The following DRD3 variants were observed in gnomAD, a reference collection of about 807,000 sequenced individuals.
DRD3 encodes the protein D(3) dopamine receptor.
A neutral mutation model predicts 36.3 loss-of-function variants in DRD3; 19 were observed. The ratio of observed to expected loss-of-function variants is 0.52; its 90% CI spans 0.36 to 0.77. The LOEUF (loss-of-function observed/expected upper bound fraction) is 0.77, where lower values mean the gene tolerates loss of function less well. Among genes scored for constraint, DRD3 ranks in the 30% least tolerant of loss-of-function variants. DRD3 has a pLI of 0.00. For missense variants in DRD3, 465 were observed against 505.3 expected, an observed-to-expected ratio of 0.92 and a Z score of 0.77; for synonymous variants, 195 against 203.7, an observed-to-expected ratio of 0.96 and a Z score of 0.36.
upstream of DRD3, among the ~76,000 whole-genome samples, chr3:114,183,345 A>T (rs913042139): frequency 2.0e-5 from 3 of 152,222 alleles, no homozygotes; most frequent in African/African-American, 7.2e-5. Flanking sequence ...GGCCTAACAT[A>T]TGGCCCATCC....
At chr3:114,177,372 A>G (rs1469927799) in intron 1 of DRD3, among the ~76,000 whole-genome samples, 2 of 152,284 alleles carry the variant, frequency 1.3e-5, no homozygotes, top group East Asian at 3.9e-4. Flanking sequence ...GAGAAAAACT[A>G]TTGCTGGTTA....
chr3:114,164,757 C>T (rs1306961023), intron 2 of DRD3, among the ~76,000 whole-genome samples: 1 of 152,090 alleles, frequency 6.6e-6, no homozygotes. Flanking sequence ...TTTTATTTTT[C>T]TGTTTTCTTT....
At position 114,159,847 on chromosome 3, in the gene DRD3, A is replaced by G; in HGVS notation, c.291T>C (p.Asn97=). The change falls in exon 3 of 7, where the codon AAT becomes AAC. Residue 97 remains asparagine, a synonymous_variant. Coordinates refer to ENST00000383673, the MANE Select transcript of DRD3 (RefSeq NM_000796.6). ...VYLEVTGGVW[N]FSRICCDVFV... ...AAACATCACAGCAAATGCGGCTGAA[A>G]TTCCAGACTCCACCTGTCACCTGGG... The G allele has an allele frequency of 6.2e-7, 1 of 1,614,140 alleles. No homozygotes were observed. The highest frequency in any genetic ancestry group is 8.5e-7 in the Non-Finnish European group (1 of 1,179,980).
rs573209247 is a variant in DRD3 at position 114,166,682 on chromosome 3, C to T, written c.270+5041G>A. Among the ~76,000 whole-genome samples the T allele has an allele frequency of 5.9e-5, 9 of 152,274 alleles. No individual in the cohort carries two copies. In the South Asian group the frequency reaches 8.3e-4, roughly 14 times the overall value. ...TAGCTGCACAAAATGGATTAACACA[C>T]CCCCTAATGAACGTTTAGCTCAGAG... is the stretch of plus-strand genomic sequence containing the variant. On this transcript the variant is annotated intron_variant, in intron 2 of 6. Coordinates refer to ENST00000383673, the MANE Select transcript of DRD3 (RefSeq NM_000796.6).
intron 1 of DRD3, among the ~76,000 whole-genome samples, chr3:114,187,992 G>T (rs748740633): frequency 4.0e-4 from 61 of 152,038 alleles, no homozygotes; most frequent in Non-Finnish European, 7.8e-4. Context: ...CCTAGGAAGA[G>T]AAAAAGAGAA....
chr3:114,161,206 C>T (rs373474162), intron 2 of DRD3, among the ~76,000 whole-genome samples: 368 of 152,210 alleles, frequency 2.4e-3, no homozygotes, highest in Non-Finnish European at 3.9e-3. Flanking sequence ...TTCACAATAC[C>T]GCTCCTGAAC....
At chr3:114,192,465 G>A (rs1191912826) in intron 1 of DRD3, among the ~76,000 whole-genome samples, 1 of 152,140 alleles carries the variant, frequency 6.6e-6, no homozygotes, top group Non-Finnish European at 1.5e-5. Flanking sequence ...CCTTGATAAT[G>A]CTTGTTTTTA....
intron 6 of DRD3, among the ~76,000 whole-genome samples, chr3:114,129,278 G>C (rs2077405640): frequency 6.6e-6 from 1 of 152,206 alleles, no homozygotes; most frequent in East Asian, 1.9e-4. Flanking sequence ...GGGAGGCAGA[G>C]GTTGTGGTGA....
rs115733747 is a variant in DRD3 at position 114,145,215 on chromosome 3, C to T, written c.526+2200G>A. On this transcript the variant is annotated intron_variant, in intron 4 of 6. Coordinates refer to ENST00000383673, the MANE Select transcript of DRD3 (RefSeq NM_000796.6). ...GAGTTTCCCACACTAGAATTTCCAA[C>T]TAAGAATGCATTTTCATATAGAAAC... 9.3e-3 allele frequency among the ~76,000 whole-genome samples: 1,412 copies of T among 152,220 alleles called. 22 individuals carry two copies. Among genetic ancestry groups the T allele is most frequent in the African/African-American group, 0.031 (1,297 of 41,516 alleles).
intron 5 of DRD3, among the ~76,000 whole-genome samples, chr3:114,135,871 T>A (rs1291409737): frequency 6.6e-6 from 1 of 151,916 alleles, no homozygotes; most frequent in Non-Finnish European, 1.5e-5. Context: ...TGTATTTTTT[T>A]AAGTAGAGAT....
intron 3 of DRD3, among the ~76,000 whole-genome samples, chr3:114,148,964 C>T (rs147915373): frequency 4.7e-4 from 72 of 152,278 alleles, no homozygotes; most frequent in African/African-American, 1.7e-3. Context: ...CCACCTGCCT[C>T]GGCCTCCCAA....
At chr3:114,196,679 G>A (rs949274157) in intron 1 of DRD3, among the ~76,000 whole-genome samples, 1 of 152,204 alleles carries the variant, frequency 6.6e-6, no homozygotes, top group Non-Finnish European at 1.5e-5. Flanking sequence ...CATACTAATA[G>A]ATATGACCTG....
At chr3:114,153,410 C>T (rs527553060) in intron 3 of DRD3, among the ~76,000 whole-genome samples, 3 of 152,156 alleles carry the variant, frequency 2.0e-5, no homozygotes, top group African/African-American at 7.2e-5. Flanking sequence ...TTGTCTTCCC[C>T]TTCCTCCTGA....
intron 2 of DRD3, among the ~76,000 whole-genome samples, chr3:114,167,093 T>A (rs1376871542): frequency 6.6e-6 from 1 of 152,218 alleles, no homozygotes; most frequent in Non-Finnish European, 1.5e-5. Flanking sequence ...GCTATTCTTT[T>A]CTTTCATCAC....
chr3:114,161,259 T>C (rs2077730439), intron 2 of DRD3, among the ~76,000 whole-genome samples: 1 of 152,168 alleles, frequency 6.6e-6, no homozygotes, highest in African/African-American at 2.4e-5. Context: ...TGAAAAATGG[T>C]ACAGTAGCCT....
At chr3:114,152,479 A>G (rs1204791359) in intron 3 of DRD3, among the ~76,000 whole-genome samples, 1 of 152,270 alleles carries the variant, frequency 6.6e-6, no homozygotes, top group Non-Finnish European at 1.5e-5. Flanking sequence ...CAAGACTACA[A>G]TTTAACACTG....
intron 1 of DRD3, among the ~76,000 whole-genome samples, chr3:114,177,131 G>C (rs977633907): frequency 7.9e-5 from 12 of 152,178 alleles, no homozygotes; most frequent in African/African-American, 2.9e-4. Context: ...TTCAGAGTAT[G>C]TGAACATGTC....
At chr3:114,133,115 C>G (rs2077445447) in intron 5 of DRD3, among the ~76,000 whole-genome samples, 1 of 151,998 alleles carries the variant, frequency 6.6e-6, no homozygotes, top group East Asian at 1.9e-4. Flanking sequence ...CTCAGCCTCC[C>G]AAGTAGCTGG....
upstream of DRD3, among the ~76,000 whole-genome samples, chr3:114,182,530 C>T (rs559573832): frequency 6.6e-6 from 1 of 152,074 alleles, no homozygotes; most frequent in South Asian, 2.1e-4. Flanking sequence ...TGTTACCTCC[C>T]TTTTCTACTT....
Sources: allele counts gnomAD v4.1 joint callset (sites outside exome capture counted in the v4.1 genomes callset), GRCh38; gene constraint gnomAD v4.1.1; transcripts MANE v1.5; gene names NCBI Gene and HGNC (gene_info 2026-07-23, HGNC 2026-07-21).